NKAIN3: variants seen among roughly 807,000 people sequenced by gnomAD.
NKAIN3 encodes sodium/potassium transporting ATPase interacting 3, also known as sodium/potassium-transporting ATPase subunit beta-1-interacting protein 3.
A neutral mutation model predicts 30.2 loss-of-function variants in NKAIN3; 25 were observed. That is an observed-to-expected ratio of 0.83 (90% confidence interval 0.60 to 1.16). NKAIN3 has a LOEUF of 1.16. Among genes scored for constraint, NKAIN3 ranks in the 50% most tolerant of loss-of-function variants. The pLI is 0.00. For synonymous variants in NKAIN3, 91 were observed against 89.6 expected (o/e 1.02, Z -0.09); for missense variants, 225 against 254.1 (o/e 0.89, Z 0.78).
intron 1 of NKAIN3, among the ~76,000 whole-genome samples, chr8:62,415,168 TAA>T (rs1355065937): frequency 1.4e-5 from 2 of 142,142 alleles, no homozygotes; most frequent in Non-Finnish European, 3.0e-5. Flanking sequence ...GTATATTATA[TAA>T]TATATATTAT....
chr8:62,864,989 A>T (rs1820374330), intron 4 of NKAIN3, among the ~76,000 whole-genome samples: 2 of 152,180 alleles, frequency 1.3e-5, no homozygotes, highest in Non-Finnish European at 2.9e-5. Flanking sequence ...CATTCTGGGG[A>T]AGACTATTCC....
intron 4 of NKAIN3, among the ~76,000 whole-genome samples, chr8:62,822,274 T>C (rs1373694683): frequency 6.6e-6 from 1 of 152,128 alleles, no homozygotes; most frequent in East Asian, 1.9e-4. Context: ...GGAGTCTGAG[T>C]AAAAGGCAGC....
At chr8:62,937,341 G>A (rs554692919) in intron 5 of NKAIN3, among the ~76,000 whole-genome samples, 3 of 152,266 alleles carry the variant, frequency 2.0e-5, no homozygotes, top group South Asian at 2.1e-4. Flanking sequence ...TGAAACAGCC[G>A]AAAACTGTGA....
chr8:62,300,276 G>A (rs1222105782), intron 1 of NKAIN3, among the ~76,000 whole-genome samples: 1 of 151,924 alleles, frequency 6.6e-6, no homozygotes, highest in Non-Finnish European at 1.5e-5. Context: ...ATTCAACGTA[G>A]GAAAGAACCT....
At chr8:62,768,832 T>C (rs1188938871) in intron 4 of NKAIN3, among the ~76,000 whole-genome samples, 2 of 152,216 alleles carry the variant, frequency 1.3e-5, no homozygotes, top group African/African-American at 4.8e-5. Flanking sequence ...CAGACTGTTA[T>C]TTAAGTATGT....
chr8:62,772,942 A>C (rs960448322), intron 4 of NKAIN3, among the ~76,000 whole-genome samples: 1 of 152,110 alleles, frequency 6.6e-6, no homozygotes, highest in Non-Finnish European at 1.5e-5. Flanking sequence ...TACAGGTGTG[A>C]GCAACCACGC....
At chr8:62,310,341 C>T (rs62510114) in intron 1 of NKAIN3, among the ~76,000 whole-genome samples, 1 of 150,268 alleles carries the variant, frequency 6.7e-6, no homozygotes, top group Non-Finnish European at 1.5e-5. Flanking sequence ...CTTTCAAAGG[C>T]GAGTTTGGTT....
intron 2 of NKAIN3, among the ~76,000 whole-genome samples, chr8:62,586,012 T>C (rs1471919291): frequency 6.6e-6 from 1 of 152,214 alleles, no homozygotes; most frequent in African/African-American, 2.4e-5. Flanking sequence ...ATTAGCAAAT[T>C]TGTTTAACAT....
At chr8:62,513,221 A>G (rs1254849149) in intron 1 of NKAIN3, among the ~76,000 whole-genome samples, 1 of 151,820 alleles carries the variant, frequency 6.6e-6, no homozygotes, top group Non-Finnish European at 1.5e-5. Flanking sequence ...AGTGTAATGC[A>G]TTGTGATAAA....
chr8:62,887,441 G>A (rs10435607), intron 4 of NKAIN3, among the ~76,000 whole-genome samples: 46,231 of 151,944 alleles, frequency 0.3, 7,742 homozygotes, highest in East Asian at 0.64. Flanking sequence ...CATTGTTACT[G>A]CAAGTATTAC....
At chr8:62,256,765 A>G (rs911997532) in intron 1 of NKAIN3, among the ~76,000 whole-genome samples, 2 of 152,106 alleles carry the variant, frequency 1.3e-5, no homozygotes, top group African/African-American at 2.4e-5. Flanking sequence ...CATTGCATCT[A>G]TTTCTTTAGT....
chr8:62,818,050 T>C (rs1586232193), intron 4 of NKAIN3, among the ~76,000 whole-genome samples: 3 of 152,158 alleles, frequency 2.0e-5, no homozygotes, highest in South Asian at 2.1e-4. Flanking sequence ...CTAGCACTAA[T>C]ATCATTTTAT....
Position 62,807,715 on chromosome 8 carries a change from G to A in NKAIN3, c.471+60586G>A, listed in dbSNP as rs1586219928. ...CTACAGGTGCATGCCACCACACTCA[G>A]CTAATTTTTGTATTTTTGGTAGTGA... On this transcript the variant is annotated intron_variant, in intron 4 of 6. Coordinates refer to ENST00000623646, the MANE Select transcript of NKAIN3 (RefSeq NM_001304533.3). Among the ~76,000 whole-genome samples the A allele has an allele frequency of 2.0e-5, 3 of 149,762 alleles. No individual in the cohort carries two copies. The East Asian group carries it at 5.9e-4, about 29-fold the overall frequency.
At chr8:62,574,874 A>T (rs1810061134) in intron 1 of NKAIN3, among the ~76,000 whole-genome samples, 1 of 152,106 alleles carries the variant, frequency 6.6e-6, no homozygotes, top group South Asian at 2.1e-4. Flanking sequence ...AAACCATATG[A>T]TCATTTCAAT....
At chr8:62,642,060 C>G (rs1812325045) in intron 3 of NKAIN3, among the ~76,000 whole-genome samples, 1 of 151,872 alleles carries the variant, frequency 6.6e-6, no homozygotes, top group Admixed American at 6.6e-5. Flanking sequence ...GCACTGCACT[C>G]CTGGGAAAAA....
At chr8:62,828,387 A>C (rs1819090362) in intron 4 of NKAIN3, among the ~76,000 whole-genome samples, 1 of 152,140 alleles carries the variant, frequency 6.6e-6, no homozygotes, top group Non-Finnish European at 1.5e-5. Flanking sequence ...AATACATGCC[A>C]AAAAAGTCCA....
chr8:62,288,502 T>C (rs1188099431), intron 1 of NKAIN3, among the ~76,000 whole-genome samples: 2 of 152,222 alleles, frequency 1.3e-5, no homozygotes, highest in Non-Finnish European at 2.9e-5. Flanking sequence ...TTTGGTTTTC[T>C]GTCCTTGTGA....
At chr8:62,932,650 G>A (rs1294190930) in intron 5 of NKAIN3, among the ~76,000 whole-genome samples, 3 of 152,176 alleles carry the variant, frequency 2.0e-5, no homozygotes, top group East Asian at 1.9e-4. Context: ...AATGAATGGT[G>A]AATCAGTCCT....
At chr8:62,528,308 T>TATA (rs1241392360) in intron 1 of NKAIN3, among the ~76,000 whole-genome samples, 957 of 76,748 alleles carry the variant, frequency 0.012, 12 homozygotes, top group African/African-American at 0.035. Context: ...TATTATATTA[T>TATA]ATATATATAT....
Sources: allele counts gnomAD v4.1 joint callset (sites outside exome capture counted in the v4.1 genomes callset), GRCh38; gene constraint gnomAD v4.1.1; transcripts MANE v1.5; gene names NCBI Gene and HGNC (gene_info 2026-07-23, HGNC 2026-07-21).